Variants in L3MBTL3 observed in about 807,000 individuals in gnomAD.
L3MBTL3 encodes lethal(3)malignant brain tumor-like protein 3.
L3MBTL3 carries 27 observed loss-of-function variants against 102.3 expected under a neutral mutation model. That is an observed-to-expected ratio of 0.26 (90% CI 0.19 to 0.36). L3MBTL3 has a LOEUF of 0.36. L3MBTL3 is among the 10% of genes least tolerant of loss of function. L3MBTL3 has a pLI of 1.00. For synonymous variants in L3MBTL3, 340 were observed against 320.9 expected, an observed-to-expected ratio of 1.06 and a Z score of -0.64; for missense variants, 798 against 955.3, an observed-to-expected ratio of 0.84 and a Z score of 2.17.
chr6:130,040,331 C>T (rs991681911), intron 2 of L3MBTL3, among the ~76,000 whole-genome samples: 2 of 100,524 alleles, frequency 2.0e-5, no homozygotes, highest in Non-Finnish European at 4.2e-5. Flanking sequence ...AACTCTGTCT[C>T]AAAAAAAAAA....
intron 14 of L3MBTL3, among the ~76,000 whole-genome samples, chr6:130,081,144 C>T (rs9492446): frequency 0.27 from 40,714 of 152,160 alleles, 6,100 homozygotes; most frequent in African/African-American, 0.38. Flanking sequence ...CCTTTTAAAA[C>T]TATTTTTATT....
chr6:130,065,350 C>T (rs1037593408), intron 10 of L3MBTL3, among the ~76,000 whole-genome samples: 2 of 152,086 alleles, frequency 1.3e-5, no homozygotes, highest in Non-Finnish European at 2.9e-5. Context: ...TATGTATATA[C>T]ACATAATACA....
At chr6:130,109,658 C>G (rs1272013596) in intron 19 of L3MBTL3, among the ~76,000 whole-genome samples, 1 of 152,092 alleles carries the variant, frequency 6.6e-6, no homozygotes, top group Non-Finnish European at 1.5e-5. Flanking sequence ...CTGTAGGTTG[C>G]CTGCTTACTC....
rs1033990972 is a variant in L3MBTL3 at position 130,139,928 on chromosome 6, G to T, written c.*175G>T. The stretch of plus-strand genomic sequence containing the variant: ...TATATGAATTCTTATGAAAGTGCTT[G>T]AGCTTTTAACCAGGTACTGTCTAAC... On this transcript the variant is annotated 3_prime_UTR_variant, in exon 23 of 23. Transcript: ENST00000361794. 4 of 538,450 alleles carry T rather than the reference G, an allele frequency of 7.4e-6. No homozygotes were observed. Among genetic ancestry groups the T allele is most frequent in the South Asian group, 6.5e-5 (3 of 46,202 alleles). 33.4% of individuals were successfully genotyped at this position (538,450 alleles called of 1,614,324 possible).
rs192425983 is a variant in L3MBTL3 at position 130,116,949 on chromosome 6, T to A, written c.1887-3930T>A. 1.7e-3 allele frequency among the ~76,000 whole-genome samples: 253 copies of A among 145,964 alleles called. 3 individuals are homozygous for A. In the East Asian group the frequency reaches 0.033, roughly 19 times the overall value. On this transcript the variant is annotated intron_variant, in intron 19 of 22. Transcript: ENST00000361794. The stretch of plus-strand genomic sequence containing the variant: ...TTTTTTATTTTTTTTTCCTCTTATT[T>A]TTTATTTATTTATTTATTTATTTTT...
chr6:130,080,290 A>G (rs907337776), intron 14 of L3MBTL3, among the ~76,000 whole-genome samples: 3 of 151,884 alleles, frequency 2.0e-5, no homozygotes, highest in Non-Finnish European at 2.9e-5. Context: ...GCAAGGTATT[A>G]ATGGTTTCAT....
At chr6:130,108,520 A>G (rs1182019696) in intron 19 of L3MBTL3, among the ~76,000 whole-genome samples, 1 of 151,996 alleles carries the variant, frequency 6.6e-6, no homozygotes, top group Non-Finnish European at 1.5e-5. Context: ...GGCATCAGCC[A>G]ATGTCCCCGG....
intron 20 of L3MBTL3, among the ~76,000 whole-genome samples, chr6:130,125,512 G>A (rs974089789): frequency 2.6e-5 from 4 of 151,972 alleles, no homozygotes; most frequent in Admixed American, 6.6e-5. Flanking sequence ...TCATTTTTGC[G>A]TCCCGAGAAG....
chr6:130,099,178 T>C (rs1180502258), intron 18 of L3MBTL3, among the ~76,000 whole-genome samples: 3 of 152,146 alleles, frequency 2.0e-5, no homozygotes, highest in Admixed American at 1.3e-4. Flanking sequence ...TGAAATAATA[T>C]GCTAATAGTG....
intron 22 of L3MBTL3, chr6:130,137,499 G>A (rs1787819583): frequency 6.6e-6 from 1 of 152,142 alleles, no homozygotes; most frequent in South Asian, 2.1e-4. Context: ...TTTGGAAGTA[G>A]CCTCAAGATT....
At chr6:130,055,144 A>G (rs2114825600) in intron 7 of L3MBTL3, 27 bp from the exon 8 acceptor site, 1 of 1,579,594 alleles carries the variant, frequency 6.3e-7, no homozygotes, top group East Asian at 2.2e-5. Context: ...TGAACTTTAA[A>G]GTCATAATTT....
At chr6:130,105,591 C>T (rs1784933977) in intron 19 of L3MBTL3, among the ~76,000 whole-genome samples, 1 of 141,716 alleles carries the variant, frequency 7.1e-6, no homozygotes, top group South Asian at 2.2e-4. Flanking sequence ...CACTGCACTT[C>T]AGCCTGGGTG....
Position 130,092,754 on chromosome 6 carries a change from G to A in L3MBTL3, c.1528G>A (p.Asp510Asn), listed in dbSNP as rs553837132. 3 of 1,608,688 alleles carry A rather than the reference G, an allele frequency of 1.9e-6. No individual in the cohort carries two copies. The highest frequency in any genetic ancestry group is 2.6e-6 in the Non-Finnish European group (3 of 1,175,496). ...TDDHRVKVHF[D>N]GWNNCYDYWI... ...TCCTTGTGTCATCCAGGTTCACTTT[G>A]ATGGCTGGAACAATTGCTATGATTA... is the stretch of plus-strand genomic sequence containing the variant. Residue 510 changes from aspartate (D) to asparagine (N), a missense_variant, in exon 17 of 23, where the codon GAT (aspartate) becomes AAT (asparagine). Transcript: ENST00000361794.
Position 130,139,633 on chromosome 6 carries a change from A to G in L3MBTL3, c.2223A>G (p.Leu741=), listed in dbSNP as rs374729843. 1.4e-4 allele frequency: 231 copies of G among 1,613,318 alleles called. No homozygotes were observed. Among genetic ancestry groups the G allele is most frequent in the Middle Eastern group, 3.3e-4 (2 of 6,046 alleles). ...AGCAAATTGATGGAGAAGCATTTCT[A>G]CTTATGACTCAAACAGACATTGTTA... is the stretch of plus-strand genomic sequence containing the variant. ...KDEQIDGEAF[L]LMTQTDIVKI... Residue 741 remains leucine, a synonymous_variant, in exon 23 of 23, where the codon CTA becomes CTG. Transcript: ENST00000361794.
intron 22 of L3MBTL3, 54 bp from the exon 23 acceptor site, chr6:130,139,556 T>C: frequency 6.5e-7 from 1 of 1,538,556 alleles, no homozygotes; most frequent in Admixed American, 1.7e-5. Flanking sequence ...GAATATTTTC[T>C]ACAACACTGC....
At chr6:130,128,055 A>G (rs1486035922) in intron 20 of L3MBTL3, among the ~76,000 whole-genome samples, 1 of 152,204 alleles carries the variant, frequency 6.6e-6, no homozygotes, top group Non-Finnish European at 1.5e-5. Context: ...CTTGCAACAT[A>G]ATGTTAAATA....
At chr6:130,057,525 G>C in intron 9 of L3MBTL3, 28 bp downstream of exon 9, 1 of 1,544,034 alleles carries the variant, frequency 6.5e-7, no homozygotes, top group Non-Finnish European at 8.8e-7. Flanking sequence ...GACGTGATCT[G>C]TAAGGGCGCA....
chr6:130,042,730 C>G lies in L3MBTL3; in HGVS notation c.31C>G (p.Gln11Glu). Residue 11 changes from glutamine (Q) to glutamate (E), a missense_variant, in exon 3 of 23, where the codon CAA (glutamine) becomes GAA (glutamate). Gln to Glu is a conservative substitution (Grantham distance 29). This residue lies in a region of L3MBTL3 where 434 missense variants were observed against 506.6 expected (regional missense o/e 0.86). Transcript: ENST00000361794. MTESASSTSG[Q>E]EFDVFSVMDW... ...TGAATCTGCCTCTAGCACAAGTGGTCAAGAGTTTGATGTGTTCAGTGTTAT... is the reference window on the plus strand; with the variant it reads ...TGAATCTGCCTCTAGCACAAGTGGTGAAGAGTTTGATGTGTTCAGTGTTAT... 6.2e-7 allele frequency: 1 copy of G among 1,613,342 alleles called. No individual in the cohort carries two copies. The highest frequency in any genetic ancestry group is 8.5e-7 in the Non-Finnish European group (1 of 1,179,486).
chr6:130,046,427 A>G (rs1780728935), intron 3 of L3MBTL3, among the ~76,000 whole-genome samples: 1 of 152,248 alleles, frequency 6.6e-6, no homozygotes, highest in Admixed American at 6.5e-5. Context: ...TAACCTCAAC[A>G]GTATCTTCTA....
Sources: allele counts gnomAD v4.1 joint callset (sites outside exome capture counted in the v4.1 genomes callset), GRCh38; gene constraint gnomAD v4.1.1; regional missense constraint gnomAD v4.1.1; transcripts MANE v1.5; gene names NCBI Gene and HGNC (gene_info 2026-07-23, HGNC 2026-07-21).